The following FYN variants were observed in gnomAD, a reference collection of about 807,000 sequenced individuals.
FYN encodes the protein tyrosine-protein kinase Fyn.
A neutral mutation model predicts 70.2 loss-of-function variants in FYN; 10 were observed. The observed-to-expected ratio is 0.14, with a 90% CI of 0.09 to 0.24. The LOEUF is 0.24. Among genes scored for constraint, FYN ranks in the 10% least tolerant of loss-of-function variants. The probability of loss-of-function intolerance (pLI) is 1.00; values close to 1 mark genes in which losing one functional copy is unlikely to be tolerated. For synonymous variants in FYN, 236 were observed against 248.6 expected (o/e 0.95, Z 0.48); for missense variants, 319 against 673.1 (o/e 0.47, Z 5.82).
At chr6:111,762,791 G>A (rs1286395983) in intron 3 of FYN, among the ~76,000 whole-genome samples, 3 of 150,568 alleles carry the variant, frequency 2.0e-5, no homozygotes, top group African/African-American at 7.3e-5. Context: ...TAGGTGATGA[G>A]CTTAAAAAAA....
chr6:111,692,105 C>A (rs867465468), intron 12 of FYN, among the ~76,000 whole-genome samples: 20 of 147,026 alleles, frequency 1.4e-4, no homozygotes, highest in Middle Eastern at 3.5e-3. Context: ...TTCATTTCCC[C>A]CCCCCCCAGT....
At chr6:111,833,219 A>G (rs1489813209) in intron 2 of FYN, among the ~76,000 whole-genome samples, 4 of 152,222 alleles carry the variant, frequency 2.6e-5, no homozygotes, top group Admixed American at 2.6e-4. Context: ...CAACCACAGG[A>G]AAGCTCTGTG....
At chr6:111,807,842 G>C (rs1002520079) in intron 2 of FYN, among the ~76,000 whole-genome samples, 15 of 152,168 alleles carry the variant, frequency 9.9e-5, no homozygotes, top group African/African-American at 3.4e-4. Flanking sequence ...GGATGTGGTG[G>C]CTCATGCCTG....
At chr6:111,869,621 T>G (rs1774212627) in intron 1 of FYN, among the ~76,000 whole-genome samples, 1 of 152,134 alleles carries the variant, frequency 6.6e-6, no homozygotes, top group East Asian at 1.9e-4. Flanking sequence ...AACAAACTCT[T>G]GGGCTAAAGT....
chr6:111,726,230 A>G (rs189944389), intron 3 of FYN, among the ~76,000 whole-genome samples: 3 of 152,310 alleles, frequency 2.0e-5, no homozygotes, highest in Non-Finnish European at 2.9e-5. Context: ...GAGCTAACAG[A>G]TGGATGTTGT....
chr6:111,864,637 T>A (rs1774055702), intron 1 of FYN, among the ~76,000 whole-genome samples: 1 of 151,836 alleles, frequency 6.6e-6, no homozygotes, highest in South Asian at 2.1e-4. Context: ...CAAGAGGCAG[T>A]AGGTTTTGAG....
intron 4 of FYN, among the ~76,000 whole-genome samples, chr6:111,717,972 G>A (rs1030599196): frequency 6.6e-6 from 1 of 152,224 alleles, no homozygotes; most frequent in South Asian, 2.1e-4. Context: ...TCTTTCCTTA[G>A]ATTTCTTTGA....
intron 3 of FYN, among the ~76,000 whole-genome samples, chr6:111,771,348 T>C (rs1803443571): frequency 6.6e-6 from 1 of 152,228 alleles, no homozygotes; most frequent in Non-Finnish European, 1.5e-5. Context: ...ACAGATGATA[T>C]GTAGAAGGAA....
rs919531244 is a variant in FYN at position 111,661,653 on chromosome 6, G to A, written c.*86C>T. 2 of 1,296,726 alleles carry A rather than the reference G, an allele frequency of 1.5e-6. No individual in the cohort carries two copies. The highest frequency in any genetic ancestry group is 2.3e-5 in the East Asian group (1 of 43,114). 80.3% of individuals were successfully genotyped at this position (1,296,726 alleles called of 1,614,324 possible). A position where few individuals can be genotyped will look rare whatever the true frequency, so the allele number is the denominator to read the frequency against. ...TCTGATCCTGGGCGGTTCCGCTGCTGGGGAGCAGCTGGCTACGGAATTGAA... is the reference window on the plus strand; with the variant it reads ...TCTGATCCTGGGCGGTTCCGCTGCTAGGGAGCAGCTGGCTACGGAATTGAA... On this transcript the variant is annotated 3_prime_UTR_variant, in exon 14 of 14. Coordinates refer to ENST00000354650, the MANE Select transcript of FYN (RefSeq NM_002037.5). The surrounding 1 kb of genome is among the most constrained non-coding windows in gnomAD (Gnocchi z 4.0).
intron 5 of FYN, among the ~76,000 whole-genome samples, chr6:111,713,160 A>G (rs971511098): frequency 3.9e-5 from 6 of 152,076 alleles, no homozygotes; most frequent in African/African-American, 1.4e-4. Context: ...CTTGCTGTTG[A>G]AAGGCGGCAT....
chr6:111,764,849 G>C (rs1450737303), intron 3 of FYN, among the ~76,000 whole-genome samples: 1 of 152,178 alleles, frequency 6.6e-6, no homozygotes, highest in Non-Finnish European at 1.5e-5. Flanking sequence ...TCACCCTCCT[G>C]TTCTAGTTCC....
At chr6:111,857,816 G>A (rs961676468) in intron 1 of FYN, among the ~76,000 whole-genome samples, 4 of 149,714 alleles carry the variant, frequency 2.7e-5, no homozygotes, top group Admixed American at 1.3e-4. Flanking sequence ...TGTCCCTTTC[G>A]TTCTCCTTCT....
intron 3 of FYN, among the ~76,000 whole-genome samples, chr6:111,761,238 T>A (rs181140310): frequency 7.2e-4 from 110 of 152,322 alleles, no homozygotes; most frequent in African/African-American, 2.5e-3. Context: ...AACCTGACAT[T>A]AATCCTGTGA....
chr6:111,767,861 C>A (rs1803295323), intron 3 of FYN, among the ~76,000 whole-genome samples: 1 of 152,186 alleles, frequency 6.6e-6, no homozygotes, highest in African/African-American at 2.4e-5. Flanking sequence ...TCAGGATAAG[C>A]AAACTGAATC....
At chr6:111,711,033 A>G (rs1331832795) in intron 5 of FYN, among the ~76,000 whole-genome samples, 1 of 152,170 alleles carries the variant, frequency 6.6e-6, no homozygotes, top group Non-Finnish European at 1.5e-5. Flanking sequence ...AGACTTGCTA[A>G]AAGATTCTGT....
In FYN at chr6:111,737,285, A is replaced by T. The variant is rs527612296; in HGVS notation, c.-11-17223T>A. ...AATATCTACCTAGAGATAGTGTCAG[A>T]TCCTACAGGTTGAGGGCTTAGTTTC... On this transcript the variant is annotated intron_variant, in intron 3 of 13. Transcript: ENST00000354650. Among the ~76,000 whole-genome samples, 3 of 152,276 alleles carry T rather than the reference A, an allele frequency of 2.0e-5. No homozygotes were observed. The South Asian group carries it at 6.2e-4, about 32-fold the overall frequency.
chr6:111,870,487 C>G (rs1223275518), intron 1 of FYN, among the ~76,000 whole-genome samples: 2 of 152,218 alleles, frequency 1.3e-5, no homozygotes, highest in Admixed American at 6.5e-5. Flanking sequence ...GTGTTGAGCA[C>G]ATACCAAAGA....
chr6:111,706,081 T>G (rs1800077609), intron 6 of FYN, among the ~76,000 whole-genome samples: 1 of 152,218 alleles, frequency 6.6e-6, no homozygotes, highest in African/African-American at 2.4e-5. Context: ...CTGAAGAAAC[T>G]AATGATACTC....
At chr6:111,752,728 G>A (rs975506992) in intron 3 of FYN, among the ~76,000 whole-genome samples, 1 of 152,184 alleles carries the variant, frequency 6.6e-6, no homozygotes, top group South Asian at 2.1e-4. Context: ...GGGAGGCTCT[G>A]AAGAGTTCTA....
Sources: allele counts gnomAD v4.1 joint callset (sites outside exome capture counted in the v4.1 genomes callset), GRCh38; gene constraint gnomAD v4.1.1; non-coding constraint Gnocchi (gnomAD v3.1); transcripts MANE v1.5; gene names NCBI Gene and HGNC (gene_info 2026-07-23, HGNC 2026-07-21).